The following UNC13C variants were observed in gnomAD, a reference collection of about 807,000 sequenced individuals.
The protein encoded by UNC13C is protein unc-13 homolog C.
A neutral mutation model predicts 245.4 loss-of-function variants in UNC13C; 174 were observed. The observed-to-expected ratio is 0.71, with a 90% confidence interval of 0.63 to 0.80. The LOEUF (loss-of-function observed/expected upper bound fraction) is 0.80. Ranked by LOEUF, UNC13C falls within the 30% of genes least tolerant of loss-of-function variation. The pLI, the probability that UNC13C is intolerant of heterozygous loss-of-function variation, is 0.00. For synonymous variants in UNC13C, 992 were observed against 895.1 expected (o/e 1.11, Z -1.93); for missense variants, 2,829 against 2,602.9 (o/e 1.09, Z -1.89).
At chr15:54,338,588 A>G (rs1256843512) in intron 17 of UNC13C, 99 bp downstream of exon 17, 1 of 1,339,366 alleles carries the variant, frequency 7.5e-7, no homozygotes, top group Non-Finnish European at 1.0e-6. Context: ...ATGTTCATTT[A>G]ATTTCACATT....
chr15:54,033,819 G>A (rs1054381571), intron 2 of UNC13C, among the ~76,000 whole-genome samples: 1 of 152,200 alleles, frequency 6.6e-6, no homozygotes, highest in Non-Finnish European at 1.5e-5. Flanking sequence ...GGTTCTCACA[G>A]TGAACTCCTT....
At chr15:54,159,406 T>A (rs569939435) in intron 4 of UNC13C, among the ~76,000 whole-genome samples, 119 of 152,334 alleles carry the variant, frequency 7.8e-4, no homozygotes, top group African/African-American at 2.7e-3. Context: ...AACACTTTAT[T>A]AAGTGTGCAC....
At chr15:53,863,348 G>A in the UNC13C span, among the ~76,000 whole-genome samples, 51 of 152,284 alleles carry the variant, frequency 3.3e-4, no homozygotes, top group East Asian at 8.1e-3. Flanking sequence ...TATTGGGCAG[G>A]AAACTGCAGA....
intron 19 of UNC13C, among the ~76,000 whole-genome samples, chr15:54,418,855 G>A (rs533949933): frequency 6.6e-6 from 1 of 152,146 alleles, no homozygotes; most frequent in African/African-American, 2.4e-5. Flanking sequence ...GAAAGCATCA[G>A]TGTTAATACC....
At chr15:54,446,105 A>G (rs568619013) in intron 19 of UNC13C, among the ~76,000 whole-genome samples, 1 of 152,140 alleles carries the variant, frequency 6.6e-6, no homozygotes, top group South Asian at 2.1e-4. Context: ...ATAGTTGTAG[A>G]TGTGTGGTAT....
At chr15:54,504,818 A>ATAAC in intron 22 of UNC13C, among the ~76,000 whole-genome samples, 1 of 152,296 alleles carries the variant, frequency 6.6e-6, no homozygotes, top group East Asian at 1.9e-4. Context: ...ACTAGATGGA[A>ATAAC]TAACTGGAAG....
At chr15:54,191,004 C>A (rs1408412265) in intron 4 of UNC13C, among the ~76,000 whole-genome samples, 5 of 151,776 alleles carry the variant, frequency 3.3e-5, no homozygotes, top group Admixed American at 3.3e-4. Context: ...TAGTTTAGTC[C>A]ATATTAGTTT....
intron 2 of UNC13C, among the ~76,000 whole-genome samples, chr15:54,032,573 A>G (rs560836321): frequency 6.6e-6 from 1 of 152,196 alleles, no homozygotes; most frequent in African/African-American, 2.4e-5. Flanking sequence ...GAAGATATGT[A>G]TATATATTGT....
chr15:54,199,506 T>C (rs72748236), intron 4 of UNC13C, among the ~76,000 whole-genome samples: 28,233 of 152,078 alleles, frequency 0.19, 3,188 homozygotes, highest in Middle Eastern at 0.29. Flanking sequence ...GCAGAGATCC[T>C]ACAAGCTAGA....
intron 4 of UNC13C, among the ~76,000 whole-genome samples, chr15:54,155,237 C>T (rs919847389): frequency 1.3e-5 from 2 of 152,066 alleles, no homozygotes; most frequent in East Asian, 1.9e-4. Flanking sequence ...TATTCTGGAG[C>T]GGGGGCATTT....
chr15:53,909,468 C>T, the UNC13C span, among the ~76,000 whole-genome samples: 2 of 146,566 alleles, frequency 1.4e-5, no homozygotes, highest in East Asian at 4.0e-4. Context: ...GAAAATGAAA[C>T]AGTGGCCGGG....
chr15:54,452,889 G>C (rs1432448910), intron 19 of UNC13C, among the ~76,000 whole-genome samples: 1 of 152,220 alleles, frequency 6.6e-6, no homozygotes, highest in Non-Finnish European at 1.5e-5. Flanking sequence ...TAGAGTTGCT[G>C]CCAGTGGCTC....
At chr15:54,425,984 A>G (rs2040751140) in intron 19 of UNC13C, among the ~76,000 whole-genome samples, 1 of 151,636 alleles carries the variant, frequency 6.6e-6, no homozygotes, top group South Asian at 2.1e-4. Context: ...GCCATCTTCC[A>G]AATTCTTTGT....
intron 2 of UNC13C, among the ~76,000 whole-genome samples, chr15:54,133,532 A>T (rs1160441085): frequency 6.6e-6 from 1 of 152,166 alleles, no homozygotes; most frequent in African/African-American, 2.4e-5. Flanking sequence ...TATAAAGTAG[A>T]TGGATGTACT....
Position 54,293,975 on chromosome 15 carries a change from A to G in UNC13C, c.3899A>G (p.His1300Arg). The change falls in exon 11 of 33, where the codon CAT becomes CGT. Residue 1300 changes from histidine (H) to arginine (R), a missense_variant. By Grantham distance (29) the His-to-Arg change is conservative (BLOSUM62 0). Coordinates refer to ENST00000260323, the MANE Select transcript of UNC13C (RefSeq NM_001080534.3). ...GATATTAAATCCAGAGTCAAGCAAC[A>G]TTTCAAAAAGGAGTCAGATGATTTT... The part of the protein sequence containing the change: ...DDDIKSRVKQ[H>R]FKKESDDFLG... The G allele has an allele frequency of 1.9e-6, 3 of 1,596,874 alleles. No homozygotes were observed. The highest frequency in any genetic ancestry group is 2.6e-6 in the Non-Finnish European group (3 of 1,172,364).
chr15:54,167,602 GAA>G (rs35210236), intron 4 of UNC13C, among the ~76,000 whole-genome samples: 868 of 63,572 alleles, frequency 0.014, 11 homozygotes, highest in African/African-American at 0.048. Flanking sequence ...ATCCAAATAG[GAA>G]AAAAAAAAAA....
At chr15:54,630,816 C>A (rs936494797), downstream of UNC13C, 1 of 146,708 alleles carries the variant, frequency 6.8e-6, no homozygotes, top group African/African-American at 2.6e-5. Flanking sequence ...TTCCAATTTG[C>A]GAATGTTAAA....
chr15:54,086,755 T>TTTTTTTTTTTTTTTTTG (rs1899265819), intron 2 of UNC13C, among the ~76,000 whole-genome samples: 1 of 142,492 alleles, frequency 7.0e-6, no homozygotes, highest in African/African-American at 2.5e-5. Context: ...TTTTTTTTTT[T>TTTTTTTTTTTTTTTTTG]GAGATGGACT....
intron 13 of UNC13C, among the ~76,000 whole-genome samples, chr15:54,318,634 T>G (rs1596209580): frequency 6.6e-6 from 1 of 152,074 alleles, no homozygotes; most frequent in East Asian, 1.9e-4. Context: ...TAACACCTTA[T>G]CAGATGTACA....
Sources: gnomAD v4.1 joint callset for allele counts (sites outside exome capture counted in the v4.1 genomes callset) on GRCh38, gnomAD v4.1.1 for gene constraint, MANE v1.5 for transcripts, NCBI Gene and HGNC (gene_info 2026-07-23, HGNC 2026-07-21) for gene names.